The following ARHGAP15 variants were observed in gnomAD, a reference collection of about 807,000 sequenced individuals.
ARHGAP15 encodes rho GTPase-activating protein 15.
ARHGAP15 carries 51 observed loss-of-function variants against 63.7 expected under a neutral mutation model. The observed-to-expected ratio is 0.80, with a 90% CI of 0.64 to 1.01. The LOEUF (loss-of-function observed/expected upper bound fraction) is 1.01. Ranked by LOEUF, ARHGAP15 falls within the 50% of genes least tolerant of loss-of-function variation. ARHGAP15 has a pLI of 0.00. For synonymous variants in ARHGAP15, 191 were observed against 193.8 expected (o/e 0.99, Z 0.12); for missense variants, 560 against 564.6 (o/e 0.99, Z 0.08).
At chr2:143,235,095 T>G (rs1693590439) in intron 5 of ARHGAP15, among the ~76,000 whole-genome samples, 1 of 152,158 alleles carries the variant, frequency 6.6e-6, no homozygotes. Flanking sequence ...AAAGACTTCA[T>G]AAGAATATGT....
At chr2:143,588,290 T>C (rs1020550787) in intron 11 of ARHGAP15, among the ~76,000 whole-genome samples, 1 of 152,182 alleles carries the variant, frequency 6.6e-6, no homozygotes, top group Non-Finnish European at 1.5e-5. Flanking sequence ...ATTTAAGCTT[T>C]CTATTTTTTT....
At chr2:143,294,227 A>T (rs1199533028) in intron 6 of ARHGAP15, among the ~76,000 whole-genome samples, 1 of 152,004 alleles carries the variant, frequency 6.6e-6, no homozygotes, top group East Asian at 1.9e-4. Flanking sequence ...GCGTAACCTA[A>T]TGTTCTTTGA....
intron 3 of ARHGAP15, among the ~76,000 whole-genome samples, chr2:143,215,422 G>A (rs182663025): frequency 3.9e-5 from 6 of 152,170 alleles, no homozygotes; most frequent in Non-Finnish European, 5.9e-5. Context: ...ATTTAATTTT[G>A]AAGTAGATTA....
intron 10 of ARHGAP15, among the ~76,000 whole-genome samples, chr2:143,545,062 G>T (rs1695270212): frequency 6.6e-6 from 1 of 152,200 alleles, no homozygotes; most frequent in African/African-American, 2.4e-5. Context: ...AAGCTGAAAA[G>T]AACCATTTTG....
In ARHGAP15 at chr2:143,275,593, T is replaced by G. The variant is rs190944603; in HGVS notation, c.474+24993T>G. Among the ~76,000 whole-genome samples the G allele has an allele frequency of 2.3e-4, 35 of 152,354 alleles. No individual in the cohort carries two copies. In the East Asian group the frequency reaches 6.4e-3, roughly 28 times the overall value. On this transcript the variant is annotated intron_variant, in intron 6 of 13. Coordinates refer to ENST00000295095, the MANE Select transcript of ARHGAP15 (RefSeq NM_018460.4). The stretch of plus-strand genomic sequence containing the variant: ...TCATTACTTACTTGAAAAGATCCAG[T>G]GAGCAATTTTTCCTTAAGGCAAGCT...
chr2:143,168,907 C>T (rs1264416669), intron 2 of ARHGAP15, among the ~76,000 whole-genome samples: 5 of 151,982 alleles, frequency 3.3e-5, no homozygotes, highest in Non-Finnish European at 5.9e-5. Context: ...AAAATGAACT[C>T]TACAAACAGT....
intron 13 of ARHGAP15, among the ~76,000 whole-genome samples, chr2:143,755,144 A>G (rs1574931152): frequency 6.6e-6 from 1 of 152,104 alleles, no homozygotes; most frequent in African/African-American, 2.4e-5. Flanking sequence ...AGATTGTTCA[A>G]CCTTCCATCC....
At chr2:143,534,907 A>G (rs369823418) in intron 10 of ARHGAP15, among the ~76,000 whole-genome samples, 5 of 152,074 alleles carry the variant, frequency 3.3e-5, no homozygotes, top group African/African-American at 7.2e-5. Flanking sequence ...ACAAAACAAA[A>G]AAACCTATAT....
At chr2:143,341,468 C>T (rs1685054229) in intron 6 of ARHGAP15, among the ~76,000 whole-genome samples, 1 of 152,100 alleles carries the variant, frequency 6.6e-6, no homozygotes, top group Non-Finnish European at 1.5e-5. Context: ...ACTCCCAATG[C>T]ATTTTCTGAA....
intron 2 of ARHGAP15, among the ~76,000 whole-genome samples, chr2:143,159,967 A>C (rs1294863262): frequency 6.6e-6 from 1 of 151,902 alleles, no homozygotes; most frequent in African/African-American, 2.4e-5. Flanking sequence ...GCTTTGAAAA[A>C]CATAGATACA....
intron 9 of ARHGAP15, among the ~76,000 whole-genome samples, chr2:143,509,522 G>A (rs1239385449): frequency 6.6e-6 from 1 of 152,114 alleles, no homozygotes; most frequent in African/African-American, 2.4e-5. Context: ...AGTATATTCT[G>A]TCGTGTTTTA....
At chr2:143,141,998 A>G (rs181720984) in intron 1 of ARHGAP15, among the ~76,000 whole-genome samples, 76 of 152,136 alleles carry the variant, frequency 5.0e-4, no homozygotes, top group African/African-American at 1.8e-3. Flanking sequence ...GAAGCTGTCC[A>G]CCCGCAGCTG....
intron 8 of ARHGAP15, among the ~76,000 whole-genome samples, chr2:143,462,900 A>T (rs1691022601): frequency 1.3e-5 from 2 of 152,150 alleles, no homozygotes. Context: ...AAGGGAAGAC[A>T]CAAAGTAGGC....
chr2:143,254,958 A>ACCCT (rs1680347100), intron 6 of ARHGAP15, among the ~76,000 whole-genome samples: 1 of 152,074 alleles, frequency 6.6e-6, no homozygotes, highest in Non-Finnish European at 1.5e-5. Flanking sequence ...GAAGAAGATA[A>ACCCT]CTGTTTCCTG....
At chr2:143,306,474 G>A (rs75264388) in intron 6 of ARHGAP15, among the ~76,000 whole-genome samples, 3,618 of 152,182 alleles carry the variant, frequency 0.024, 352 homozygotes, top group Admixed American at 0.19. Flanking sequence ...GATAAATAGG[G>A]CTAATAATCA....
intron 8 of ARHGAP15, among the ~76,000 whole-genome samples, chr2:143,442,128 A>G (rs1214427980): frequency 6.6e-6 from 1 of 152,194 alleles, no homozygotes; most frequent in Non-Finnish European, 1.5e-5. Context: ...CCAAGTGATG[A>G]AAACAAGTTT....
intron 13 of ARHGAP15, among the ~76,000 whole-genome samples, chr2:143,733,860 T>C (rs1047860433): frequency 6.6e-6 from 1 of 152,296 alleles, no homozygotes; most frequent in East Asian, 1.9e-4. Context: ...GTCTTTAAAA[T>C]CTTTAAGTCC....
Position 143,465,292 on chromosome 2 carries a change from T to C in ARHGAP15, c.704-22081T>C, listed in dbSNP as rs546916730. On this transcript the variant is annotated intron_variant, in intron 8 of 13. Coordinates refer to ENST00000295095, the MANE Select transcript of ARHGAP15 (RefSeq NM_018460.4). ...GGAATAGTGGGCACTGCTCTCAGTTTTAAACGAATTTCTGTGGCTGGCTCT... is the reference window on the plus strand; with the variant it reads ...GGAATAGTGGGCACTGCTCTCAGTTCTAAACGAATTTCTGTGGCTGGCTCT... 7.2e-5 allele frequency among the ~76,000 whole-genome samples: 11 copies of C among 152,296 alleles called. No homozygotes were observed. In the South Asian group the frequency reaches 2.3e-3, roughly 32 times the overall value.
chr2:143,387,756 C>T (rs1349269541), intron 6 of ARHGAP15, among the ~76,000 whole-genome samples: 1 of 150,696 alleles, frequency 6.6e-6, no homozygotes, highest in Non-Finnish European at 1.5e-5. Context: ...TGGGAAAAAA[C>T]AGAGTTCTTA....
Sources: allele counts gnomAD v4.1 joint callset (sites outside exome capture counted in the v4.1 genomes callset), GRCh38; gene constraint gnomAD v4.1.1; transcripts MANE v1.5; gene names NCBI Gene and HGNC (gene_info 2026-07-23, HGNC 2026-07-21).